Variants in SFSWAP observed in about 807,000 individuals in gnomAD.
SFSWAP encodes splicing factor, suppressor of white-apricot homolog.
In SFSWAP, 17 loss-of-function variants were observed where a neutral mutation model predicts 100.7. The ratio of observed to expected loss-of-function variants is 0.17; its 90% CI spans 0.12 to 0.25. The LOEUF is 0.25. Ranked by LOEUF, SFSWAP falls within the 10% of genes least tolerant of loss-of-function variation. The probability of loss-of-function intolerance (pLI) is 1.00; values close to 1 mark genes in which losing one functional copy is unlikely to be tolerated. For synonymous variants in SFSWAP, 504 were observed against 510.1 expected (o/e 0.99, Z 0.16); for missense variants, 1,005 against 1,262.6 (o/e 0.80, Z 3.09).
chr12:131,737,882 T>G (rs1353537048), intron 7 of SFSWAP, among the ~76,000 whole-genome samples: 2 of 152,142 alleles, frequency 1.3e-5, no homozygotes, highest in South Asian at 4.1e-4. Flanking sequence ...AAACTAACAA[T>G]TTATTTCATT....
intron 16 of SFSWAP, among the ~76,000 whole-genome samples, chr12:131,798,303 C>A (rs1885819892): frequency 1.3e-5 from 2 of 151,888 alleles, no homozygotes; most frequent in Admixed American, 1.3e-4. Context: ...GACCCTGTTT[C>A]TGAAAATGTA....
intron 7 of SFSWAP, among the ~76,000 whole-genome samples, chr12:131,731,901 C>CCT (rs1555241932): frequency 1.8e-5 from 1 of 55,304 alleles, no homozygotes; most frequent in Non-Finnish European, 3.3e-5. Flanking sequence ...TACTATTTTA[C>CCT]TTTTTTTTTT....
chr12:131,770,982 TC>T, intron 13 of SFSWAP, among the ~76,000 whole-genome samples: 1 of 152,346 alleles, frequency 6.6e-6, no homozygotes, highest in East Asian at 1.9e-4. Context: ...CGTGGTATCC[TC>T]TGGGTCCAGC....
chr12:131,731,927 T>TG (rs1879549564), intron 7 of SFSWAP, among the ~76,000 whole-genome samples: 1 of 137,158 alleles, frequency 7.3e-6, no homozygotes, highest in Non-Finnish European at 1.5e-5. Flanking sequence ...TTTTTTTTTT[T>TG]GAGACGGAGT....
intron 7 of SFSWAP, among the ~76,000 whole-genome samples, chr12:131,745,558 T>C (rs1035073318): frequency 6.6e-6 from 1 of 152,238 alleles, no homozygotes; most frequent in African/African-American, 2.4e-5. Context: ...TTGAATCGTG[T>C]TGTCAGTGCC....
intron 5 of SFSWAP, among the ~76,000 whole-genome samples, 183 bp from the exon 6 acceptor site, chr12:131,726,757 G>T (rs1879017434): frequency 6.6e-6 from 1 of 152,232 alleles, no homozygotes; most frequent in African/African-American, 2.4e-5. Context: ...AATGGGCAAA[G>T]GTCGCAATCC....
Position 131,778,358 on chromosome 12 carries a change from G to A in SFSWAP, c.2408+28G>A, listed in dbSNP as rs763616092. 1.2e-6 allele frequency: 2 copies of A among 1,603,962 alleles called. No homozygotes were observed. The highest frequency in any genetic ancestry group is 2.2e-5 in the East Asian group (1 of 44,748). The stretch of plus-strand genomic sequence containing the variant: ...GGGTGTGAAGGGGGCAGCACCTCTG[G>A]TACCCTCATGACCCCCATGTCCTTC... On this transcript the variant is annotated intron_variant, in intron 14 of 17. Coordinates refer to ENST00000261674, the MANE Select transcript of SFSWAP (RefSeq NM_004592.4). This position sits in a 1 kb window ranked among gnomAD's most constrained non-coding sequence, Gnocchi z 4.2.
rs1385571395 is a variant in SFSWAP, at chr12:131,717,382, A to G, written c.521-2072A>G. Among the ~76,000 whole-genome samples, 7 of 152,250 alleles carry G rather than the reference A, an allele frequency of 4.6e-5. No individual in the cohort carries two copies. The Middle Eastern group carries it at 0.017, about 370-fold the overall frequency. ...GTTCATAATTTTTCATCATTATTCT[A>G]TATCCATTTTTTTCCCTCTTTTTTA... On this transcript the variant is annotated intron_variant, in intron 3 of 17. Coordinates refer to ENST00000261674, the MANE Select transcript of SFSWAP (RefSeq NM_004592.4).
intron 14 of SFSWAP, among the ~76,000 whole-genome samples, chr12:131,779,345 C>T (rs1884316207): frequency 6.6e-6 from 1 of 151,480 alleles, no homozygotes; most frequent in Non-Finnish European, 1.5e-5. Flanking sequence ...ACCCTCCCTC[C>T]AGGAGTCACT....
intron 10 of SFSWAP, among the ~76,000 whole-genome samples, chr12:131,756,175 G>T (rs1882140999): frequency 6.6e-6 from 1 of 152,134 alleles, no homozygotes; most frequent in African/African-American, 2.4e-5. Flanking sequence ...TATTTTTAAA[G>T]AATTCTGAGT....
At position 131,778,074 on chromosome 12, in the gene SFSWAP, A is replaced by G; in HGVS notation, c.2152A>G (p.Thr718Ala). 6.2e-7 allele frequency: 1 copy of G among 1,610,380 alleles called. No homozygotes were observed. The highest frequency in any genetic ancestry group is 8.5e-7 in the Non-Finnish European group (1 of 1,179,148). The change falls in exon 14 of 18, where the codon ACT becomes GCT. Residue 718 changes from threonine to alanine, a missense_variant. Transcript: ENST00000261674. The surrounding 1 kb of genome is among the most constrained non-coding windows in gnomAD (Gnocchi z 4.2). ...ESPFSVEESS[T>A]TPCPLLTGGR... Reference sequence around the variant, plus strand: ...TTCCTTTTATTCTTAGGAATCCAGCACTACGCCCTGCCCTCTACTGACTGG... The same window carrying G: ...TTCCTTTTATTCTTAGGAATCCAGCGCTACGCCCTGCCCTCTACTGACTGG...
intron 11 of SFSWAP, among the ~76,000 whole-genome samples, chr12:131,762,188 G>A (rs900781332): frequency 1.3e-4 from 20 of 152,100 alleles, no homozygotes; most frequent in Admixed American, 4.6e-4. Context: ...AGCTGAGATC[G>A]CGCCTTTGCA....
At chr12:131,793,113 G>T (rs750568530) in intron 15 of SFSWAP, among the ~76,000 whole-genome samples, 4 of 151,820 alleles carry the variant, frequency 2.6e-5, no homozygotes, top group Non-Finnish European at 2.9e-5. Context: ...TTGAGACAGG[G>T]TCTCACTCTG....
chr12:131,714,735 T>C lies in SFSWAP; in HGVS notation c.389-87T>C. 7.9e-7 allele frequency: 1 copy of C among 1,273,066 alleles called. No homozygotes were observed. Among genetic ancestry groups the C allele is most frequent in the Non-Finnish European group, 1.1e-6 (1 of 895,818 alleles). The allele number at this position is 1,273,066 out of a possible 1,614,324, so 78.9% of individuals were successfully genotyped here. A position where few individuals can be genotyped will look rare whatever the true frequency, so the allele number is the denominator to read the frequency against. On this transcript the variant is annotated intron_variant, in intron 2 of 17. Transcript: ENST00000261674. This position sits in a 1 kb window ranked among gnomAD's most constrained non-coding sequence, Gnocchi z 6.0. The stretch of plus-strand genomic sequence containing the variant: ...GGTTGAAAAAAGTATGTTGTATGCT[T>C]TACTGATAGCTACAACTTTAGAAAT...
In SFSWAP at chr12:131,733,296, C is replaced by T. The variant is rs184099491; in HGVS notation, c.1081+4868C>T. ...TGTGTGTCTCTGCCATCTCCTCCTCCTCCCATTCCTGACCTGTTGAGCCAG... is the reference window on the plus strand; with the variant it reads ...TGTGTGTCTCTGCCATCTCCTCCTCTTCCCATTCCTGACCTGTTGAGCCAG... On this transcript the variant is annotated intron_variant, in intron 7 of 17. Transcript: ENST00000261674. The surrounding 1 kb of genome is among the most constrained non-coding windows in gnomAD (Gnocchi z 5.1). Among the ~76,000 whole-genome samples the T allele has an allele frequency of 1.2e-3, 182 of 152,326 alleles. 1 individual carries two copies. The highest frequency in any genetic ancestry group is 4.2e-3 in the African/African-American group (174 of 41,588).
intron 7 of SFSWAP, among the ~76,000 whole-genome samples, chr12:131,731,025 A>G (rs1015684297): frequency 6.6e-6 from 1 of 152,162 alleles, no homozygotes; most frequent in Non-Finnish European, 1.5e-5. Context: ...CTCCTCGCTG[A>G]GCACAGCACT....
chr12:131,786,352 C>G, intron 14 of SFSWAP, 111 bp from the exon 15 acceptor site: 1 of 1,355,386 alleles, frequency 7.4e-7, no homozygotes, highest in South Asian at 1.5e-5. Flanking sequence ...AGGCACCACC[C>G]TGAGGAGCAG....
intron 14 of SFSWAP, among the ~76,000 whole-genome samples, chr12:131,782,613 G>T (rs1884582383): frequency 6.6e-6 from 1 of 152,124 alleles, no homozygotes; most frequent in South Asian, 2.1e-4. Flanking sequence ...ATGCTACATG[G>T]AATGTATTTT....
In SFSWAP at chr12:131,764,678, C is replaced by G; in HGVS notation, c.1943C>G (p.Ala648Gly). ...CAACTTACCCAGGAGGAGCTAGAAG[C>G]AAAGCAAGGTTTGTTGATAGCTTTT... The part of the protein sequence containing the change: ...KPQLTQEELE[A>G]KQAKQKLEDR... The change falls in exon 12 of 18, where the codon GCA becomes GGA. Residue 648 changes from alanine (A) to glycine (G), a missense_variant. Coordinates refer to ENST00000261674, the MANE Select transcript of SFSWAP (RefSeq NM_004592.4). 6.2e-7 allele frequency: 1 copy of G among 1,610,234 alleles called. No homozygotes were observed. Among genetic ancestry groups the G allele is most frequent in the Non-Finnish European group, 8.5e-7 (1 of 1,176,752 alleles).
Sources: gnomAD v4.1 joint callset for allele counts (sites outside exome capture counted in the v4.1 genomes callset) on GRCh38, gnomAD v4.1.1 for gene constraint, Gnocchi (gnomAD v3.1) non-coding constraint, MANE v1.5 for transcripts, NCBI Gene and HGNC (gene_info 2026-07-23, HGNC 2026-07-21) for gene names.